Variants in ERC2 observed in about 807,000 individuals in gnomAD.
ERC2 encodes ERC protein 2.
ERC2 carries 42 observed loss-of-function variants against 114.8 expected under a neutral mutation model. That is an observed-to-expected ratio of 0.37 (90% CI 0.29 to 0.47). The LOEUF (loss-of-function observed/expected upper bound fraction) is 0.47. Ranked by LOEUF, ERC2 falls within the 20% of genes least tolerant of loss-of-function variation. ERC2 has a pLI of 0.99. For missense variants in ERC2, 939 were observed against 1,150.7 expected, an observed-to-expected ratio of 0.82 and a Z score of 2.66; for synonymous variants, 454 against 425.5, an observed-to-expected ratio of 1.07 and a Z score of -0.82.
chr3:56,140,537 G>T (rs1341590201), intron 5 of ERC2, among the ~76,000 whole-genome samples: 1 of 151,972 alleles, frequency 6.6e-6, no homozygotes, highest in Admixed American at 6.6e-5. Flanking sequence ...GTATTCCATT[G>T]TAAGACTTCA....
At chr3:55,846,881 T>C (rs2061393895) in intron 14 of ERC2, among the ~76,000 whole-genome samples, 1 of 152,166 alleles carries the variant, frequency 6.6e-6, no homozygotes, top group East Asian at 1.9e-4. Flanking sequence ...GCACAGTTTG[T>C]AGGGTAAATG....
intron 17 of ERC2, among the ~76,000 whole-genome samples, chr3:55,575,101 C>T (rs2056907703): frequency 6.6e-6 from 1 of 152,132 alleles, no homozygotes; most frequent in Non-Finnish European, 1.5e-5. Flanking sequence ...GCAACCTCCG[C>T]CCTCCTGGGT....
At chr3:55,609,238 C>T (rs2058776557) in intron 17 of ERC2, among the ~76,000 whole-genome samples, 1 of 152,100 alleles carries the variant, frequency 6.6e-6, no homozygotes, top group Admixed American at 6.5e-5. Context: ...CACATTTGCC[C>T]CCACTTTTAT....
At chr3:56,412,066 A>C (rs937905027) in intron 2 of ERC2, among the ~76,000 whole-genome samples, 3 of 152,236 alleles carry the variant, frequency 2.0e-5, no homozygotes, top group African/African-American at 7.2e-5. Flanking sequence ...CCCTGGATTT[A>C]GGACAAGCCC....
chr3:55,698,796 T>C (rs1433101349), intron 16 of ERC2, among the ~76,000 whole-genome samples: 1 of 152,200 alleles, frequency 6.6e-6, no homozygotes, highest in Non-Finnish European at 1.5e-5. Context: ...TGAATGTAAA[T>C]ATTGCTGTAA....
intron 12 of ERC2, among the ~76,000 whole-genome samples, chr3:55,954,046 C>T (rs1274923325): frequency 8.0e-6 from 1 of 124,388 alleles, no homozygotes; most frequent in Admixed American, 1.0e-4. Context: ...ATCCACTTGG[C>T]AAGGCTCTGC....
intron 17 of ERC2, among the ~76,000 whole-genome samples, chr3:55,615,489 C>G (rs2059086199): frequency 6.6e-6 from 1 of 152,282 alleles, no homozygotes; most frequent in African/African-American, 2.4e-5. Flanking sequence ...CCAGGGAGAG[C>G]AAATGGGATC....
chr3:55,752,277 A>G (rs1036173168), intron 14 of ERC2, among the ~76,000 whole-genome samples: 1 of 152,170 alleles, frequency 6.6e-6, no homozygotes, highest in African/African-American at 2.4e-5. Flanking sequence ...TAATGATCTT[A>G]CAGCTAAGGG....
chr3:56,444,209 GA>G (rs1169946608), intron 1 of ERC2, among the ~76,000 whole-genome samples: 2 of 150,850 alleles, frequency 1.3e-5, no homozygotes, highest in Non-Finnish European at 2.9e-5. Context: ...CTGACCTCGT[GA>G]TCTGCTGGCC....
intron 17 of ERC2, among the ~76,000 whole-genome samples, chr3:55,580,654 G>A (rs544494740): frequency 1.1e-4 from 16 of 152,108 alleles, no homozygotes; most frequent in Non-Finnish European, 1.9e-4. Context: ...TGTCTGGATT[G>A]ACTTCATATA....
intron 2 of ERC2, among the ~76,000 whole-genome samples, chr3:56,420,410 T>C (rs113358873): frequency 0.071 from 10,834 of 151,976 alleles, 461 homozygotes; most frequent in South Asian, 0.17. Context: ...ATTCCTGGGC[T>C]CAAGTGATCC....
intron 14 of ERC2, among the ~76,000 whole-genome samples, chr3:55,818,690 G>T (rs971733622): frequency 6.6e-6 from 1 of 152,208 alleles, no homozygotes; most frequent in African/African-American, 2.4e-5. Flanking sequence ...GGTGCTACGT[G>T]TGTGCAATGT....
chr3:56,254,762 A>G (rs1197442518), intron 3 of ERC2, among the ~76,000 whole-genome samples: 1 of 152,216 alleles, frequency 6.6e-6, no homozygotes, highest in African/African-American at 2.4e-5. Flanking sequence ...CCTCAACTGT[A>G]AAATGTGGGA....
chr3:55,728,398 G>A (rs1238948224), intron 15 of ERC2, among the ~76,000 whole-genome samples: 3 of 152,198 alleles, frequency 2.0e-5, no homozygotes, highest in Non-Finnish European at 4.4e-5. Context: ...AATTGAGCAA[G>A]TCCCAGAAGG....
rs571459331 is a variant in ERC2, at chr3:56,095,069, G to A, written c.1474-14085C>T. On this transcript the variant is annotated intron_variant, in intron 6 of 17. Coordinates refer to ENST00000288221, the MANE Select transcript of ERC2 (RefSeq NM_015576.3). Reference sequence around the variant, plus strand: ...GAAGTTTGAGGCAAGCCTGAGCAACGTAGCAAGACCTCATTTATACTAAAT... The same window carrying A: ...GAAGTTTGAGGCAAGCCTGAGCAACATAGCAAGACCTCATTTATACTAAAT... Among the ~76,000 whole-genome samples, 12 of 152,180 alleles carry A rather than the reference G, an allele frequency of 7.9e-5. No individual in the cohort carries two copies. The East Asian group carries it at 1.9e-3, about 25-fold the overall frequency.
In ERC2 at chr3:56,434,864, A is replaced by G. The variant is rs2061948777; in HGVS notation, c.144T>C (p.Asn48=). ...GGTGKTLSME[N]IQSLNAAYAT... ...CATAGGCTGCATTGAGGGACTGGAT[A>G]TTCTCCATAGACAGAGTCTTGCCTG... The change falls in exon 2 of 18, where the codon AAT becomes AAC. Residue 48 remains asparagine (N), a synonymous_variant. Transcript: ENST00000288221. 1 of 1,613,724 alleles carries G rather than the reference A, an allele frequency of 6.2e-7. No individual in the cohort carries two copies. The highest frequency in any genetic ancestry group is 1.3e-5 in the African/African-American group (1 of 74,852).
chr3:56,436,223 C>A (rs1157182517), intron 1 of ERC2, among the ~76,000 whole-genome samples: 1 of 152,178 alleles, frequency 6.6e-6, no homozygotes, highest in Non-Finnish European at 1.5e-5. Context: ...CTAATACTAA[C>A]CAGCTGAGTA....
chr3:56,207,980 C>T (rs1383079817), intron 3 of ERC2, among the ~76,000 whole-genome samples: 1 of 152,134 alleles, frequency 6.6e-6, no homozygotes, highest in Non-Finnish European at 1.5e-5. Flanking sequence ...TTATGTTTTC[C>T]TGTCTTGTAG....
intron 2 of ERC2, among the ~76,000 whole-genome samples, chr3:56,383,207 T>C (rs557374640): frequency 1.3e-5 from 2 of 152,250 alleles, no homozygotes; most frequent in South Asian, 4.1e-4. Flanking sequence ...TACCTTCCCA[T>C]GCTTATTCTC....
Sources: allele counts gnomAD v4.1 joint callset (sites outside exome capture counted in the v4.1 genomes callset), GRCh38; gene constraint gnomAD v4.1.1; transcripts MANE v1.5; gene names NCBI Gene and HGNC (gene_info 2026-07-23, HGNC 2026-07-21).